The following RPRD1A variants were observed in gnomAD, a reference collection of about 807,000 sequenced individuals.
The protein encoded by RPRD1A is regulation of nuclear pre-mRNA domain containing 1A.
In RPRD1A, 9 loss-of-function variants were observed where a neutral mutation model predicts 37.8. The observed-to-expected ratio is 0.24, with a 90% CI of 0.14 to 0.42. RPRD1A has a LOEUF of 0.42. RPRD1A is among the 10% of genes least tolerant of loss of function. The probability of loss-of-function intolerance (pLI) is 1.00; values close to 1 mark genes in which losing one functional copy is unlikely to be tolerated. For missense variants in RPRD1A, 255 were observed against 371.0 expected, an observed-to-expected ratio of 0.69 and a Z score of 2.57; for synonymous variants, 138 against 139.7, an observed-to-expected ratio of 0.99 and a Z score of 0.08.
intron 1 of RPRD1A, among the ~76,000 whole-genome samples, chr18:36,047,154 G>A (rs1300219385): frequency 6.6e-6 from 1 of 151,948 alleles, no homozygotes; most frequent in Non-Finnish European, 1.5e-5. Context: ...GTTACAGTGA[G>A]CTGCGATCAC....
chr18:36,048,405 T>A (rs1469651641), intron 1 of RPRD1A, among the ~76,000 whole-genome samples: 1 of 152,096 alleles, frequency 6.6e-6, no homozygotes, highest in Non-Finnish European at 1.5e-5. Context: ...TGAATAAAAT[T>A]CAGCAACATA....
intron 6 of RPRD1A, among the ~76,000 whole-genome samples, chr18:36,010,073 G>A (rs760299455): frequency 6.6e-6 from 1 of 151,672 alleles, no homozygotes; most frequent in Non-Finnish European, 1.5e-5. Context: ...TATATAATAT[G>A]GTATGATATG....
chr18:36,039,765 T>A (rs1912450002), intron 1 of RPRD1A, among the ~76,000 whole-genome samples: 1 of 152,148 alleles, frequency 6.6e-6, no homozygotes, highest in African/African-American at 2.4e-5. Context: ...ACAGCTAAAA[T>A]CCTGTTATCT....
chr18:35,993,547 G>A (rs907994176), intron 6 of RPRD1A, among the ~76,000 whole-genome samples: 9 of 152,200 alleles, frequency 5.9e-5, no homozygotes, highest in Admixed American at 4.6e-4. Flanking sequence ...TAACATTAAT[G>A]TGCTTAACCT....
chr18:36,066,343 A>G (rs1263010691), intron 1 of RPRD1A, among the ~76,000 whole-genome samples: 1 of 152,244 alleles, frequency 6.6e-6, no homozygotes, highest in East Asian at 1.9e-4. Flanking sequence ...TATTTTGATT[A>G]ATAACGGTTA....
Position 36,067,480 on chromosome 18 carries a change from C to A in RPRD1A, c.-76G>T. On this transcript the variant is annotated 5_prime_UTR_variant, in exon 1 of 7. It adds an upstream start codon to the 5' untranslated region. Transcript: ENST00000399022. ...AGAGTTTCGCCGCCCTAGCTGCGGC[C>A]TCGCCCCCTCACCCCACCCTTCCCC... The A allele has an allele frequency of 6.9e-7, 1 of 1,447,280 alleles. No individual in the cohort carries two copies. Among genetic ancestry groups the A allele is most frequent in the South Asian group, 1.3e-5 (1 of 77,256 alleles). 89.7% of individuals were successfully genotyped at this position (1,447,280 alleles called of 1,614,324 possible).
At chr18:36,059,897 A>G (rs747920738) in intron 1 of RPRD1A, among the ~76,000 whole-genome samples, 7 of 152,236 alleles carry the variant, frequency 4.6e-5, no homozygotes, top group Non-Finnish European at 7.3e-5. Context: ...AAGAAAGACT[A>G]TAACTATTGA....
intron 1 of RPRD1A, among the ~76,000 whole-genome samples, chr18:36,038,190 CAG>C (rs1912331950): frequency 1.3e-5 from 2 of 152,240 alleles, no homozygotes; most frequent in African/African-American, 4.8e-5. Flanking sequence ...CAGGGCATGT[CAG>C]AGACCTTCAT....
intron 1 of RPRD1A, among the ~76,000 whole-genome samples, chr18:36,037,875 T>C (rs1259250235): frequency 6.6e-6 from 1 of 152,138 alleles, no homozygotes; most frequent in African/African-American, 2.4e-5. Flanking sequence ...TAGAGATCTG[T>C]GGAACTTTGA....
At chr18:36,044,570 C>A (rs1296348173) in intron 1 of RPRD1A, among the ~76,000 whole-genome samples, 1 of 152,064 alleles carries the variant, frequency 6.6e-6, no homozygotes, top group Non-Finnish European at 1.5e-5. Context: ...CACCTGTAAT[C>A]CCAGCTACTC....
chr18:36,067,126 G>C, intron 1 of RPRD1A, 128 bp downstream of exon 1: 1 of 960,902 alleles, frequency 1.0e-6, no homozygotes, highest in South Asian at 1.7e-5. Flanking sequence ...GCTCCTCCAA[G>C]CCCGCAGACC....
At chr18:36,003,671 C>T (rs1210617352) in intron 6 of RPRD1A, among the ~76,000 whole-genome samples, 1 of 152,076 alleles carries the variant, frequency 6.6e-6, no homozygotes, top group Non-Finnish European at 1.5e-5. Flanking sequence ...GTTGGCAACT[C>T]AAAAAAATTT....
intron 1 of RPRD1A, among the ~76,000 whole-genome samples, chr18:36,058,342 C>T (rs1206039384): frequency 2.0e-5 from 3 of 151,972 alleles, no homozygotes; most frequent in South Asian, 2.1e-4. Context: ...CCACTGCGCC[C>T]GGCCAGAAAA....
At chr18:36,025,514 C>T (rs912034599) in intron 6 of RPRD1A, 1 of 596,088 alleles carries the variant, frequency 1.7e-6, no homozygotes, top group African/African-American at 2.0e-5. Context: ...TGACAAATGA[C>T]CATCATCATA....
intron 1 of RPRD1A, among the ~76,000 whole-genome samples, chr18:36,045,329 T>C (rs897023025): frequency 1.7e-4 from 26 of 152,324 alleles, no homozygotes; most frequent in African/African-American, 6.3e-4. Context: ...TTTCCTAATA[T>C]GTACTGTATT....
chr18:36,016,154 G>A (rs1213105503), intron 6 of RPRD1A, among the ~76,000 whole-genome samples: 1 of 152,164 alleles, frequency 6.6e-6, no homozygotes, highest in Non-Finnish European at 1.5e-5. Flanking sequence ...TGGACCAAAT[G>A]AATTTACATC....
intron 6 of RPRD1A, 128 bp downstream of exon 6, chr18:36,026,772 C>G: frequency 1.5e-6 from 1 of 668,348 alleles, no homozygotes; most frequent in Non-Finnish European, 2.3e-6. Context: ...GAGAAGCTTA[C>G]CTGGGCTACT....
chr18:36,066,500 G>A (rs945540739), intron 1 of RPRD1A, among the ~76,000 whole-genome samples: 1 of 152,190 alleles, frequency 6.6e-6, no homozygotes, highest in Non-Finnish European at 1.5e-5. Context: ...GTCGCACTAG[G>A]ATAATTTTTT....
intron 1 of RPRD1A, among the ~76,000 whole-genome samples, chr18:36,036,728 T>C (rs983504718): frequency 1.3e-5 from 2 of 151,648 alleles, no homozygotes; most frequent in Admixed American, 1.3e-4. Context: ...TCCAAGAAAA[T>C]CACACAAAAA....
Sources: allele counts gnomAD v4.1 joint callset (sites outside exome capture counted in the v4.1 genomes callset), GRCh38; gene constraint gnomAD v4.1.1; transcripts MANE v1.5; gene names NCBI Gene and HGNC (gene_info 2026-07-23, HGNC 2026-07-21).